ADAMTS8: variants seen among roughly 807,000 people sequenced by gnomAD.
ADAMTS8 encodes the protein ADAM metallopeptidase with thrombospondin type 1 motif 8.
In ADAMTS8, 50 loss-of-function variants were observed where a neutral mutation model predicts 64.4. The observed-to-expected ratio is 0.78, with a 90% CI of 0.62 to 0.98. The LOEUF is 0.98. Ranked by LOEUF, ADAMTS8 falls within the 50% of genes least tolerant of loss-of-function variation. The pLI, the probability that ADAMTS8 is intolerant of heterozygous loss-of-function variation, is 0.00. For missense variants in ADAMTS8, 1,192 were observed against 1,208.2 expected, an observed-to-expected ratio of 0.99 and a Z score of 0.20; for synonymous variants, 556 against 533.6, an observed-to-expected ratio of 1.04 and a Z score of -0.58.
intron 5 of ADAMTS8, 25 bp downstream of exon 5, chr11:130,414,506 G>A (rs780593126): frequency 4.4e-5 from 68 of 1,555,594 alleles, no homozygotes; most frequent in Middle Eastern, 1.7e-4. Flanking sequence ...TCCCCTCCCC[G>A]CTATCCTCAG....
At chr11:130,413,292 C>T (rs1861976243) in intron 5 of ADAMTS8, among the ~76,000 whole-genome samples, 1 of 152,260 alleles carries the variant, frequency 6.6e-6, no homozygotes, top group South Asian at 2.1e-4. Context: ...GATCCCTCTG[C>T]TCTCCCCTCA....
intron 1 of ADAMTS8, among the ~76,000 whole-genome samples, chr11:130,422,571 T>C (rs933257080): frequency 6.6e-6 from 1 of 152,164 alleles, no homozygotes; most frequent in Non-Finnish European, 1.5e-5. Context: ...CTGACGTCTC[T>C]AGGGCCTGAG....
rs751045671 is a variant in ADAMTS8 at position 130,408,798 on chromosome 11, C to T, written c.1893G>A (p.Gly631=). The T allele has an allele frequency of 1.9e-6, 3 of 1,614,022 alleles. No individual in the cohort carries two copies. The highest frequency in any genetic ancestry group is 1.7e-6 in the Non-Finnish European group (2 of 1,180,034). ...DRCKLFCRAR[G]RSEFKVFEAK... is the part of the protein sequence containing the mutation. ...CCTCGAACACTTTGAACTCGCTCCT[C>T]CCCCGGGCTCGGCAGAACAACTTGC... The change falls in exon 7 of 9, where the codon GGG becomes GGA. Residue 631 remains glycine (G), a synonymous_variant. Coordinates refer to ENST00000257359, the MANE Select transcript of ADAMTS8 (RefSeq NM_007037.6).
rs754724987 is a variant in ADAMTS8 at position 130,405,636 on chromosome 11, G to A, written c.2592C>T (p.Gly864=). Residue 864 remains glycine, a synonymous_variant, in exon 9 of 9, where the codon GGC becomes GGT. Transcript: ENST00000257359. ...CCTTGTTGCAGGTGGCAGAGGCCTG[G>A]CCGGAGGGGTCCCTGCACTCTACAG... ...RRTVECRDPS[G]QASATCNKAL... 1 of 1,614,010 alleles carries A rather than the reference G, an allele frequency of 6.2e-7. No homozygotes were observed. The highest frequency in any genetic ancestry group is 1.3e-5 in the African/African-American group (1 of 75,052).
chr11:130,406,731 C>T (rs543689794), intron 8 of ADAMTS8, among the ~76,000 whole-genome samples: 1 of 152,200 alleles, frequency 6.6e-6, no homozygotes. Flanking sequence ...TGGGAGTGCC[C>T]AGGCACCATG....
At position 130,408,879 on chromosome 11, in the gene ADAMTS8, G is replaced by A. The variant is rs767112990; in HGVS notation, c.1812C>T (p.Asp604=). 2.7e-5 allele frequency: 43 copies of A among 1,608,536 alleles called. No individual in the cohort carries two copies. The highest frequency in any genetic ancestry group is 2.5e-4 in the Admixed American group (15 of 59,246). ...KYNAYNYTDM[D]GNLLQWVPKY... ...TGGGGACCCACTGCAGGAGATTCCCGTCCATGTCAGTGTAATTGTAGGCAT... is the reference window on the plus strand; with the variant it reads ...TGGGGACCCACTGCAGGAGATTCCCATCCATGTCAGTGTAATTGTAGGCAT... Residue 604 remains aspartate, a synonymous_variant, in exon 7 of 9, where the codon GAC becomes GAT. Coordinates refer to ENST00000257359, the MANE Select transcript of ADAMTS8 (RefSeq NM_007037.6).
In ADAMTS8 at chr11:130,427,554, C is replaced by T. The variant is rs1468502082; in HGVS notation, c.720+13G>A. On this transcript the variant is annotated intron_variant, in intron 1 of 8. Transcript: ENST00000257359. ...CTCCGGGCACGGCGGCTGGAGGAGGCTCTCAGTCCTACCTGCAGGTCGGCC... is the reference window on the plus strand; with the variant it reads ...CTCCGGGCACGGCGGCTGGAGGAGGTTCTCAGTCCTACCTGCAGGTCGGCC... 1.7e-5 allele frequency: 26 copies of T among 1,531,834 alleles called. No homozygotes were observed. The highest frequency in any genetic ancestry group is 2.2e-5 in the Non-Finnish European group (25 of 1,145,596). The allele number at this position is 1,531,834 out of a possible 1,614,324, so 94.9% of individuals were successfully genotyped here. A position where few individuals can be genotyped will look rare whatever the true frequency, so the allele number is the denominator to read the frequency against.
rs561556338 is a variant in ADAMTS8 at position 130,405,561 on chromosome 11, C to T, written c.2667G>A (p.Leu889=). 66 of 1,596,228 alleles carry T rather than the reference C, an allele frequency of 4.1e-5. 1 individual carries two copies. The South Asian group carries it at 7.1e-4, about 17-fold the overall frequency. The change falls in exon 9 of 9, where the codon CTG becomes CTA. Residue 889 remains leucine, a synonymous_variant. Coordinates refer to ENST00000257359, the MANE Select transcript of ADAMTS8 (RefSeq NM_007037.6). The part of the protein sequence containing the change: ...AKPCESQLCP[L] ...GACTGGCCCCTGCCCCCCTGAATCA[C>T]AGGGGGCACAGCTGGCTTTCGCAGG...
chr11:130,419,083 G>A lies in ADAMTS8; in HGVS notation c.930C>T (p.His310=). 1 of 1,614,190 alleles carries A rather than the reference G, an allele frequency of 6.2e-7. No homozygotes were observed. The highest frequency in any genetic ancestry group is 8.5e-7 in the Non-Finnish European group (1 of 1,180,044). The stretch of plus-strand genomic sequence containing the variant: ...TGGTGAGCAGGATGGCCGTGTCGTA[G>A]TGCTCTGGGTGGCGGTCGCTGGGCT... ...FNQPSDRHPE[H]YDTAILLTRQ... The change falls in exon 2 of 9, where the codon CAC becomes CAT. Residue 310 remains histidine, a synonymous_variant. Transcript: ENST00000257359.
chr11:130,415,862 T>G (rs1862015542), intron 4 of ADAMTS8, among the ~76,000 whole-genome samples: 1 of 152,152 alleles, frequency 6.6e-6, no homozygotes, highest in African/African-American at 2.4e-5. Context: ...GGTTCGTCTC[T>G]CCTCTGTGCT....
intron 1 of ADAMTS8, among the ~76,000 whole-genome samples, chr11:130,426,951 C>T (rs1056407973): frequency 6.6e-6 from 1 of 152,266 alleles, no homozygotes; most frequent in Non-Finnish European, 1.5e-5. Context: ...TCTGCCGGGG[C>T]TGAGCGCCAG....
chr11:130,416,466 C>CAGGGGAAAG lies in ADAMTS8; in HGVS notation c.1097-137_1097-136insCTTTCCCCT. ...TCCGAAGATTTCTGCGTAGGGCTTTCCCCTGCGCTTTGCTCTTCCAGGACG... is the reference window on the plus strand; with the variant it reads ...TCCGAAGATTTCTGCGTAGGGCTTTCAGGGGAAAGCCCTGCGCTTTGCTCTTCCAGGACG... On this transcript the variant is annotated intron_variant, in intron 3 of 8. Transcript: ENST00000257359. This position sits in a 1 kb window ranked among gnomAD's most constrained non-coding sequence, Gnocchi z 4.8. The CAGGGGAAAG allele has an allele frequency of 4.0e-6, 4 of 992,494 alleles. No individual in the cohort carries two copies. The South Asian group carries it at 7.3e-5, about 18-fold the overall frequency. 61.5% of individuals were successfully genotyped at this position (992,494 alleles called of 1,614,324 possible).
At chr11:130,408,993 A>ACCATTC in intron 6 of ADAMTS8, 53 bp from the exon 7 acceptor site, 1 of 1,499,466 alleles carries the variant, frequency 6.7e-7, no homozygotes, top group South Asian at 1.4e-5. Flanking sequence ...AAGCAGGAGC[A>ACCATTC]TCCGGTGGAG....
At chr11:130,417,110 G>A (rs1362708468) in intron 2 of ADAMTS8, 35 bp from the exon 3 acceptor site, 4 of 1,609,982 alleles carry the variant, frequency 2.5e-6, no homozygotes, top group South Asian at 2.2e-5. Context: ...GAGTGCATCA[G>A]TGTGTGTGTG....
chr11:130,428,304 C>T lies in ADAMTS8; in HGVS notation c.-18G>A, dbSNP rs1306066590. The stretch of plus-strand genomic sequence containing the variant: ...GGGAGCATGGGGGCTGCGGCGGTGG[C>T]TGCGCGCAGGAGAGGGAAGAAGCCC... On this transcript the variant is annotated 5_prime_UTR_variant, in exon 1 of 9. Transcript: ENST00000257359. 1.6e-6 allele frequency: 2 copies of T among 1,242,842 alleles called. No homozygotes were observed. Among genetic ancestry groups the T allele is most frequent in the African/African-American group, 1.6e-5 (1 of 62,998 alleles). 77.0% of individuals were successfully genotyped at this position (1,242,842 alleles called of 1,614,324 possible).
In ADAMTS8 at chr11:130,419,095, G is replaced by C. The variant is rs752270812; in HGVS notation, c.918C>G (p.Arg306=). The change falls in exon 2 of 9, where the codon CGC becomes CGG. Residue 306 remains arginine, a synonymous_variant. Transcript: ENST00000257359. ...TGGCCGTGTCGTAGTGCTCTGGGTGGCGGTCGCTGGGCTGGTTGAAACGCC... is the reference window on the plus strand; with the variant it reads ...TGGCCGTGTCGTAGTGCTCTGGGTGCCGGTCGCTGGGCTGGTTGAAACGCC... ...WQRRFNQPSD[R]HPEHYDTAIL... is the part of the protein sequence containing the mutation. 2 of 1,614,168 alleles carry C rather than the reference G, an allele frequency of 1.2e-6. No individual in the cohort carries two copies. The highest frequency in any genetic ancestry group is 3.3e-5 in the Admixed American group (2 of 60,020).
intron 4 of ADAMTS8, among the ~76,000 whole-genome samples, chr11:130,415,603 C>CTTTTTTTT (rs386375276): frequency 1.9e-5 from 2 of 104,796 alleles, no homozygotes; most frequent in Non-Finnish European, 3.6e-5. Context: ...GCACCTGGCC[C>CTTTTTTTT]TTTTTTTTTT....
intron 6 of ADAMTS8, among the ~76,000 whole-genome samples, chr11:130,410,190 C>G (rs951923804): frequency 8.5e-5 from 13 of 152,210 alleles, no homozygotes; most frequent in Non-Finnish European, 2.9e-5. Flanking sequence ...TCTCCGAGCG[C>G]CTCACCAACC....
rs984345088 is a variant in ADAMTS8, at chr11:130,411,690, C to T, written c.1567-90G>A. On this transcript the variant is annotated intron_variant, in intron 5 of 8. Transcript: ENST00000257359. This position sits in a 1 kb window ranked among gnomAD's most constrained non-coding sequence, Gnocchi z 4.2. ...TGGGTGGCCAATGCCCTGGCTTCCTCATCTAGTCATTATCATCTTGGTGCA... is the reference window on the plus strand; with the variant it reads ...TGGGTGGCCAATGCCCTGGCTTCCTTATCTAGTCATTATCATCTTGGTGCA... 7.6e-6 allele frequency: 10 copies of T among 1,317,142 alleles called. No individual in the cohort carries two copies. Among genetic ancestry groups the T allele is most frequent in the Admixed American group, 2.0e-5 (1 of 49,698 alleles). The allele number at this position is 1,317,142 out of a possible 1,614,324, so 81.6% of individuals were successfully genotyped here. A position where few individuals can be genotyped will look rare whatever the true frequency, so the allele number is the denominator to read the frequency against.
Sources: allele counts gnomAD v4.1 joint callset (sites outside exome capture counted in the v4.1 genomes callset), GRCh38; gene constraint gnomAD v4.1.1; non-coding constraint Gnocchi (gnomAD v3.1); transcripts MANE v1.5; gene names NCBI Gene and HGNC (gene_info 2026-07-23, HGNC 2026-07-21).